GRID1: variants seen among roughly 807,000 people sequenced by gnomAD.
GRID1 encodes the protein glutamate ionotropic receptor delta type subunit 1, also known as glutamate receptor ionotropic, delta-1.
In GRID1, 28 loss-of-function variants were observed where a neutral mutation model predicts 98.0. The observed-to-expected ratio is 0.29, with a 90% CI of 0.21 to 0.39. The LOEUF (loss-of-function observed/expected upper bound fraction) is 0.39, where lower values mean the gene tolerates loss of function less well. Ranked by LOEUF, GRID1 falls within the 10% of genes least tolerant of loss-of-function variation. GRID1 has a pLI of 1.00. For missense variants in GRID1, 1,111 were observed against 1,340.5 expected (o/e 0.83, Z 2.67); for synonymous variants, 553 against 538.5 (o/e 1.03, Z -0.37).
chr10:86,000,630 C>G (rs920902170), intron 4 of GRID1, among the ~76,000 whole-genome samples: 4 of 152,078 alleles, frequency 2.6e-5, no homozygotes, highest in Non-Finnish European at 4.4e-5. Context: ...ACAAATATAG[C>G]CAATTGGTTT....
intron 2 of GRID1, among the ~76,000 whole-genome samples, chr10:86,349,760 G>T (rs574799609): frequency 6.6e-6 from 1 of 152,312 alleles, no homozygotes; most frequent in South Asian, 2.1e-4. Context: ...GCAGAGAGCA[G>T]AGTTCCCATG....
intron 8 of GRID1, among the ~76,000 whole-genome samples, chr10:85,743,114 C>CCCG (rs746066592): frequency 1.1e-4 from 15 of 134,490 alleles, no homozygotes; most frequent in Middle Eastern, 3.6e-3. Context: ...AGCCCCCCCC[C>CCCG]CCACCACCCA....
chr10:85,715,512 A>T (rs1276071192), intron 12 of GRID1, among the ~76,000 whole-genome samples: 1 of 152,188 alleles, frequency 6.6e-6, no homozygotes, highest in Non-Finnish European at 1.5e-5. Context: ...AAACTCACTA[A>T]CCACAAAACA....
At chr10:85,906,037 T>A (rs1841455998) in intron 5 of GRID1, among the ~76,000 whole-genome samples, 1 of 152,142 alleles carries the variant, frequency 6.6e-6, no homozygotes, top group South Asian at 2.1e-4. Context: ...GAAACAAGTA[T>A]GTTAAAAGTA....
intron 4 of GRID1, among the ~76,000 whole-genome samples, chr10:85,987,902 C>A (rs989242024): frequency 6.6e-6 from 1 of 152,078 alleles, no homozygotes; most frequent in Non-Finnish European, 1.5e-5. Flanking sequence ...TGTGACTGAG[C>A]CATTTTTTGT....
chr10:86,103,395 T>C (rs1452926382), intron 4 of GRID1, among the ~76,000 whole-genome samples: 2 of 152,178 alleles, frequency 1.3e-5, no homozygotes, highest in Admixed American at 1.3e-4. Context: ...CCTGTGAGCC[T>C]GTGATGAGGC....
intron 12 of GRID1, among the ~76,000 whole-genome samples, chr10:85,651,691 C>T (rs2132557960): frequency 6.6e-6 from 1 of 152,272 alleles, no homozygotes; most frequent in African/African-American, 2.4e-5. Context: ...TAATGAACTC[C>T]TAGGCAAGGA....
At chr10:85,663,255 G>A (rs1298354475) in intron 12 of GRID1, among the ~76,000 whole-genome samples, 1 of 152,146 alleles carries the variant, frequency 6.6e-6, no homozygotes, top group Non-Finnish European at 1.5e-5. Flanking sequence ...AGTACCACGA[G>A]TGTCCTTATA....
intron 2 of GRID1, among the ~76,000 whole-genome samples, chr10:86,208,246 T>C (rs570670236): frequency 6.6e-6 from 1 of 152,276 alleles, no homozygotes; most frequent in African/African-American, 2.4e-5. Flanking sequence ...ACCCAAATCC[T>C]ACGGTTCTCT....
chr10:86,016,643 C>T (rs1013190886), intron 4 of GRID1, among the ~76,000 whole-genome samples: 2 of 152,252 alleles, frequency 1.3e-5, no homozygotes, highest in African/African-American at 4.8e-5. Flanking sequence ...AATGAAGGAA[C>T]TTAGTCTTTC....
At chr10:86,011,581 C>T (rs945541187) in intron 4 of GRID1, among the ~76,000 whole-genome samples, 2 of 152,104 alleles carry the variant, frequency 1.3e-5, no homozygotes, top group Non-Finnish European at 2.9e-5. Context: ...AAATCTGAGG[C>T]TCGATGTATG....
At chr10:85,992,089 G>T (rs1564644591) in intron 4 of GRID1, among the ~76,000 whole-genome samples, 1 of 152,126 alleles carries the variant, frequency 6.6e-6, no homozygotes, top group African/African-American at 2.4e-5. Context: ...TGAGCCAGCT[G>T]GTGCAAGTGC....
intron 2 of GRID1, among the ~76,000 whole-genome samples, chr10:86,226,236 C>T (rs917143810): frequency 6.6e-6 from 1 of 151,846 alleles, no homozygotes; most frequent in Non-Finnish European, 1.5e-5. Context: ...ACGTCATACG[C>T]CTCACTCATA....
chr10:86,199,127 C>T (rs1845913800), intron 3 of GRID1, among the ~76,000 whole-genome samples: 1 of 152,212 alleles, frequency 6.6e-6, no homozygotes, highest in South Asian at 2.1e-4. Flanking sequence ...CATCCCAGTC[C>T]AACCCACTGT....
intron 4 of GRID1, among the ~76,000 whole-genome samples, chr10:85,949,933 T>C (rs1028920319): frequency 4.0e-5 from 6 of 151,552 alleles, no homozygotes; most frequent in African/African-American, 1.5e-4. Context: ...GATGGATGGA[T>C]GGATGGATGC....
intron 5 of GRID1, among the ~76,000 whole-genome samples, chr10:85,900,770 A>T (rs1268065392): frequency 6.6e-6 from 1 of 152,214 alleles, no homozygotes; most frequent in Non-Finnish European, 1.5e-5. Context: ...CTCATCTTTC[A>T]AATTCTTATG....
chr10:86,212,554 G>T lies in GRID1; in HGVS notation c.236-5906C>A, dbSNP rs536474666. Among the ~76,000 whole-genome samples, 5 of 152,322 alleles carry T rather than the reference G, an allele frequency of 3.3e-5. No homozygotes were observed. In the Middle Eastern group the frequency reaches 0.01, roughly 311 times the overall value. On this transcript the variant is annotated intron_variant, in intron 2 of 15. Transcript: ENST00000327946. ...GGGCTCAGCCCTGCCTGCCCAGAAG[G>T]AATGGTCTCTCCCCAAGGGAGTCCA...
chr10:85,744,267 C>A (rs989797507), intron 8 of GRID1, among the ~76,000 whole-genome samples: 2 of 152,152 alleles, frequency 1.3e-5, no homozygotes, highest in South Asian at 2.1e-4. Context: ...TCCCTAGGAG[C>A]CTGTTTGGGA....
At chr10:86,269,556 T>C (rs1847154302) in intron 2 of GRID1, among the ~76,000 whole-genome samples, 1 of 152,226 alleles carries the variant, frequency 6.6e-6, no homozygotes, top group African/African-American at 2.4e-5. Flanking sequence ...CTGGCTGACA[T>C]TGACCCCTGG....
Sources: allele counts gnomAD v4.1 joint callset (sites outside exome capture counted in the v4.1 genomes callset), GRCh38; gene constraint gnomAD v4.1.1; transcripts MANE v1.5; gene names NCBI Gene and HGNC (gene_info 2026-07-23, HGNC 2026-07-21).